Variants in DIP2A observed in about 807,000 individuals in gnomAD.
DIP2A encodes DIP2 acetate--CoA ligase A.
Under a neutral mutation model 177.4 loss-of-function variants are expected in DIP2A, and 85 were observed. The observed-to-expected ratio is 0.48, with a 90% CI of 0.40 to 0.57. The LOEUF (loss-of-function observed/expected upper bound fraction) is 0.57, where lower values mean the gene tolerates loss of function less well. Among genes scored for constraint, DIP2A ranks in the 20% least tolerant of loss-of-function variants. The pLI is 0.00. For synonymous variants in DIP2A, 886 were observed against 881.8 expected, an observed-to-expected ratio of 1.00 and a Z score of -0.08; for missense variants, 1,791 against 2,100.2, an observed-to-expected ratio of 0.85 and a Z score of 2.88.
Position 46,567,538 on chromosome 21 carries a change from T to C in DIP2A, c.4632T>C (p.Ser1544=). 2 of 1,613,788 alleles carry C rather than the reference T, an allele frequency of 1.2e-6. No individual in the cohort carries two copies. The highest frequency in any genetic ancestry group is 1.7e-6 in the Non-Finnish European group (2 of 1,179,836). The part of the protein sequence containing the change: ...IVDPGVIPIN[S]RGEKQRMHLR... ...ACCCAGGGGTGATCCCTATCAACTC[T>C]CGGGGTGAGAAGCAGCGCATGCACC... Residue 1544 remains serine (S), a synonymous_variant, in exon 38 of 38, where the codon TCT becomes TCC. Transcript: ENST00000417564.
At position 46,545,953 on chromosome 21, in the gene DIP2A, A is replaced by G. The variant is rs371918896; in HGVS notation, c.2386A>G (p.Ile796Val). The G allele has an allele frequency of 1.9e-6, 3 of 1,613,992 alleles. No homozygotes were observed. The South Asian group carries it at 3.3e-5, about 18-fold the overall frequency. ...CACCAGGACAGGCCTGCTGGGCTTC[A>G]TCGGGCCTGTGAGTATGTCCTCCTG... ...PFTRTGLLGF[I>V]GPDNLVFIVG... Residue 796 changes from isoleucine (I) to valine (V), a missense_variant, in exon 20 of 38, where the codon ATC becomes GTC. Physicochemically the swap from Ile to Val is conservative, Grantham distance 29. Transcript: ENST00000417564.
At chr21:46,469,541 AGTTT>A (rs1220563657) in intron 1 of DIP2A, among the ~76,000 whole-genome samples, 2 of 152,168 alleles carry the variant, frequency 1.3e-5, no homozygotes, top group East Asian at 1.9e-4. Flanking sequence ...CTAATCTAAT[AGTTT>A]GTTTGGGGCC....
intron 8 of DIP2A, among the ~76,000 whole-genome samples, chr21:46,520,773 A>G (rs2058789774): frequency 6.6e-6 from 1 of 152,234 alleles, no homozygotes; most frequent in African/African-American, 2.4e-5. Flanking sequence ...ACGATTTTGG[A>G]ACACAAACCA....
chr21:46,468,030 G>A (rs1041478173), intron 1 of DIP2A, among the ~76,000 whole-genome samples: 9 of 151,898 alleles, frequency 5.9e-5, no homozygotes, highest in Admixed American at 1.3e-4. Flanking sequence ...TTGGGAGGCC[G>A]AGGTAGACGG....
At chr21:46,519,582 G>C (rs1027906604) in intron 8 of DIP2A, among the ~76,000 whole-genome samples, 1 of 152,256 alleles carries the variant, frequency 6.6e-6, no homozygotes, top group East Asian at 1.9e-4. Context: ...AAGTCAGAAA[G>C]CATCAGTATG....
chr21:46,510,527 C>A (rs1054194263), intron 7 of DIP2A, among the ~76,000 whole-genome samples: 3 of 151,588 alleles, frequency 2.0e-5, no homozygotes, highest in African/African-American at 7.3e-5. Context: ...ACCACTTGGG[C>A]AAATTTTGGT....
chr21:46,464,316 C>T lies in DIP2A; in HGVS notation c.91+5094C>T, dbSNP rs191052306. ...GCTGAGGCAGGAGAACCACTTGAAC[C>T]TGGGAGGCAGAGGTTGCAGTGAGCC... On this transcript the variant is annotated intron_variant, in intron 1 of 37. Transcript: ENST00000417564. Among the ~76,000 whole-genome samples the T allele has an allele frequency of 2.7e-3, 405 of 152,126 alleles. 2 individuals are homozygous for T. Among genetic ancestry groups the T allele is most frequent in the Non-Finnish European group, 5.0e-3 (340 of 68,014 alleles).
At chr21:46,477,543 T>TTGTGTGTGTGTGTG (rs1555874551) in intron 1 of DIP2A, among the ~76,000 whole-genome samples, 1,067 of 87,108 alleles carry the variant, frequency 0.012, 33 homozygotes, top group African/African-American at 0.041. Context: ...AAAAAAAGAT[T>TTGTGTGTGTGTGTG]TGTGTGTGTG....
rs201130788 is a variant in DIP2A, at chr21:46,546,930, A to G, written c.2410A>G (p.Ile804Val). ...GFIGPDNLVF[I>V]VGKLDGLMVT... ...TTTCCCTCAGGACAACCTGGTCTTC[A>G]TCGTGGGCAAACTGGACGGGCTGAT... Residue 804 changes from isoleucine to valine, a missense_variant, in exon 21 of 38, where the codon ATC (isoleucine) becomes GTC (valine). Ile to Val is a conservative substitution (Grantham distance 29). Transcript: ENST00000417564. 1.2e-4 allele frequency: 194 copies of G among 1,613,854 alleles called. No homozygotes were observed. Among genetic ancestry groups the G allele is most frequent in the Middle Eastern group, 5.0e-4 (3 of 6,060 alleles).
At chr21:46,503,857 C>G (rs1278028711) in intron 5 of DIP2A, among the ~76,000 whole-genome samples, 4 of 152,150 alleles carry the variant, frequency 2.6e-5, no homozygotes, top group Non-Finnish European at 5.9e-5. Context: ...TCCCCAGTAG[C>G]TGGGATTACA....
chr21:46,489,483 TG>T (rs1000046593), intron 2 of DIP2A, among the ~76,000 whole-genome samples: 4 of 152,040 alleles, frequency 2.6e-5, no homozygotes, highest in Admixed American at 2.6e-4. Flanking sequence ...GCCCCTCCAC[TG>T]GGGGGCTTAA....
intron 1 of DIP2A, among the ~76,000 whole-genome samples, chr21:46,476,349 T>G (rs1244679446): frequency 6.6e-6 from 1 of 152,196 alleles, no homozygotes; most frequent in Non-Finnish European, 1.5e-5. Context: ...GTTGTGGTAG[T>G]TTTTTTCTCC....
intron 33 of DIP2A, 43 bp downstream of exon 33, chr21:46,560,826 C>G (rs2060638009): frequency 6.4e-7 from 1 of 1,572,590 alleles, no homozygotes; most frequent in African/African-American, 1.4e-5. Context: ...TACCCAGTGG[C>G]AAAGTGATGC....
At chr21:46,506,292 A>G (rs1306342477) in intron 6 of DIP2A, among the ~76,000 whole-genome samples, 5 of 151,850 alleles carry the variant, frequency 3.3e-5, no homozygotes, top group Non-Finnish European at 5.9e-5. Flanking sequence ...TAATTTTTGC[A>G]TTTTCAGTAG....
chr21:46,486,128 T>A (rs1166871851), intron 2 of DIP2A, among the ~76,000 whole-genome samples: 4 of 148,756 alleles, frequency 2.7e-5, no homozygotes, highest in Non-Finnish European at 4.5e-5. Context: ...TACCGAGCAG[T>A]GCTGTCCAGT....
intron 13 of DIP2A, 25 bp downstream of exon 13, chr21:46,534,712 G>A (rs1440872905): frequency 6.3e-7 from 1 of 1,585,744 alleles, no homozygotes; most frequent in African/African-American, 1.3e-5. Context: ...GGGTGGGGCG[G>A]TGGCCCCTCC....
At chr21:46,519,855 A>ATTTTTTTTTTTTTTTTT (rs59574579) in intron 8 of DIP2A, among the ~76,000 whole-genome samples, 1 of 53,018 alleles carries the variant, frequency 1.9e-5, no homozygotes, top group Admixed American at 2.7e-4. Flanking sequence ...ATTGATCTAG[A>ATTTTTTTTTTTTTTTTT]TTTTTTTTTT....
At chr21:46,482,197 A>G (rs1179281463) in intron 1 of DIP2A, among the ~76,000 whole-genome samples, 1 of 152,270 alleles carries the variant, frequency 6.6e-6, no homozygotes, top group African/African-American at 2.4e-5. Flanking sequence ...GCCAATCTCT[A>G]TAGACTGCAC....
At chr21:46,503,678 TTTCTTTTC>T (rs1161802319) in intron 5 of DIP2A, among the ~76,000 whole-genome samples, 2 of 56,346 alleles carry the variant, frequency 3.5e-5, no homozygotes, top group African/African-American at 1.8e-4. Context: ...TCTTTCTTTC[TTTCTTTTC>T]TTTCTTTCTT....
Sources: gnomAD v4.1 joint callset for allele counts (sites outside exome capture counted in the v4.1 genomes callset) on GRCh38, gnomAD v4.1.1 for gene constraint, MANE v1.5 for transcripts, NCBI Gene and HGNC (gene_info 2026-07-23, HGNC 2026-07-21) for gene names.